Variants in MSR1 observed in about 807,000 individuals in gnomAD.
MSR1 encodes the protein macrophage scavenger receptor types I and II.
In MSR1, 53 loss-of-function variants were observed where a neutral mutation model predicts 47.2. That is an observed-to-expected ratio of 1.12 (90% confidence interval 0.90 to 1.41). MSR1 has a LOEUF of 1.41. MSR1 is among the 40% of genes most tolerant of loss of function. The pLI, the probability that MSR1 is intolerant of heterozygous loss-of-function variation, is 0.00. For synonymous variants in MSR1, 239 were observed against 185.6 expected (o/e 1.29, Z -2.34); for missense variants, 786 against 546.9 (o/e 1.44, Z -4.36).
intron 1 of MSR1, among the ~76,000 whole-genome samples, chr8:16,185,511 G>C (rs1801968813): frequency 6.6e-6 from 1 of 152,070 alleles, no homozygotes; most frequent in South Asian, 2.1e-4. Context: ...TGGAGAATAT[G>C]TGATATAGTT....
intron 6 of MSR1, among the ~76,000 whole-genome samples, 155 bp downstream of exon 6, chr8:16,154,909 C>G (rs1489385572): frequency 2.6e-5 from 4 of 151,658 alleles, no homozygotes; most frequent in Non-Finnish European, 5.9e-5. Context: ...CCAAAACACA[C>G]ACACATATAC....
chr8:16,139,446 T>G, intron 8 of MSR1: 2 of 974,448 alleles, frequency 2.1e-6, no homozygotes, highest in Non-Finnish European at 2.4e-6. Flanking sequence ...ATAAAAATGC[T>G]GAGATACACA....
intron 8 of MSR1, among the ~76,000 whole-genome samples, chr8:16,128,542 A>G (rs1306228126): frequency 6.6e-6 from 1 of 152,146 alleles, no homozygotes; most frequent in East Asian, 1.9e-4. Flanking sequence ...AAGAACTCTG[A>G]GGAAATAAAT....
intron 9 of MSR1, among the ~76,000 whole-genome samples, chr8:16,119,410 G>A (rs1386759004): frequency 6.6e-6 from 1 of 152,004 alleles, no homozygotes; most frequent in Admixed American, 6.6e-5. Context: ...ATTTTTAGTA[G>A]AGATGGGGTT....
chr8:16,130,011 G>A (rs572286555), intron 8 of MSR1, among the ~76,000 whole-genome samples: 4 of 152,218 alleles, frequency 2.6e-5, no homozygotes, highest in African/African-American at 7.2e-5. Context: ...TGCTTCATCT[G>A]CATTCCTGCA....
intron 8 of MSR1, chr8:16,121,127 A>G (rs1244416717): frequency 2.3e-6 from 1 of 433,928 alleles, no homozygotes; most frequent in Non-Finnish European, 4.6e-6. Context: ...AACTATAGTG[A>G]CAACCTTCAT....
chr8:16,120,345 C>G, intron 9 of MSR1, 73 bp downstream of exon 9: 1 of 1,534,434 alleles, frequency 6.5e-7, no homozygotes, highest in East Asian at 2.3e-5. Flanking sequence ...CCACTGCACT[C>G]CAGTCTGGGC....
At chr8:16,143,351 A>T (rs1800611175) in intron 8 of MSR1, among the ~76,000 whole-genome samples, 1 of 152,158 alleles carries the variant, frequency 6.6e-6, no homozygotes, top group African/African-American at 2.4e-5. Flanking sequence ...AGACAAATGG[A>T]TAATGAGATT....
rs749312454 is a variant in MSR1, at chr8:16,150,239, C to T, written c.971G>A (p.Gly324Glu). ...PGSRGLPGYAGRPGNSGPKGQ... is the reference protein window; with the variant it reads ...PGSRGLPGYAERPGNSGPKGQ... Reference sequence around the variant, plus strand: ...ACACATTATTGTAATACCTGGCCTTCCGGCATATCCTGGGAGTCCTCGACT... The same window carrying T: ...ACACATTATTGTAATACCTGGCCTTTCGGCATATCCTGGGAGTCCTCGACT... Residue 324 changes from glycine (G) to glutamate (E), a missense_variant, in exon 7 of 10, where the codon GGA becomes GAA. Coordinates refer to ENST00000262101, the MANE Select transcript of MSR1 (RefSeq NM_138715.3). The T allele has an allele frequency of 2.0e-6, 3 of 1,535,646 alleles. No homozygotes were observed. The Admixed American group carries it at 5.5e-5, about 28-fold the overall frequency.
chr8:16,150,859 C>T (rs999803169), intron 6 of MSR1, among the ~76,000 whole-genome samples: 73 of 150,346 alleles, frequency 4.9e-4, no homozygotes, highest in African/African-American at 1.7e-3. Context: ...TAAACACACA[C>T]ACACACACAC....
chr8:16,146,372 GA>G (rs981352378), intron 7 of MSR1, among the ~76,000 whole-genome samples: 32 of 147,090 alleles, frequency 2.2e-4, no homozygotes, highest in African/African-American at 7.5e-4. Context: ...TTCCTTCAAA[GA>G]AAAAAAAAAC....
chr8:16,187,364 C>CAAAAA (rs751848634), intron 1 of MSR1, among the ~76,000 whole-genome samples: 717 of 35,262 alleles, frequency 0.02, 9 homozygotes, highest in Admixed American at 0.043. Flanking sequence ...ACTCTGTCTC[C>CAAAAA]AAAAAAAAAA....
chr8:16,169,366 A>G (rs1164365546), intron 3 of MSR1, among the ~76,000 whole-genome samples: 2 of 152,176 alleles, frequency 1.3e-5, no homozygotes, highest in Non-Finnish European at 2.9e-5. Flanking sequence ...TTGTTGGTTT[A>G]TCTTCTTCAT....
At chr8:16,137,615 G>C (rs1229510950) in intron 8 of MSR1, among the ~76,000 whole-genome samples, 1 of 152,092 alleles carries the variant, frequency 6.6e-6, no homozygotes, top group Non-Finnish European at 1.5e-5. Flanking sequence ...CTTATTAGCA[G>C]TAAGCCACAG....
intron 1 of MSR1, among the ~76,000 whole-genome samples, chr8:16,178,597 T>C (rs577617122): frequency 1.3e-5 from 2 of 152,328 alleles, no homozygotes; most frequent in Admixed American, 1.3e-4. Flanking sequence ...CAGCATGATT[T>C]ATAATCCTTT....
intron 4 of MSR1, among the ~76,000 whole-genome samples, chr8:16,166,979 T>G (rs1278282293): frequency 6.6e-6 from 1 of 151,716 alleles, no homozygotes; most frequent in African/African-American, 2.4e-5. Context: ...ATGCACGCAC[T>G]GGCACTGACC....
Position 16,177,932 on chromosome 8 carries a change from T to C in MSR1, c.57A>G (p.Glu19=), listed in dbSNP as rs375933604. Residue 19 remains glutamate, a synonymous_variant, in exon 2 of 10, where the codon GAA becomes GAG. Coordinates refer to ENST00000262101, the MANE Select transcript of MSR1 (RefSeq NM_138715.3). ...TTGAGCGAGCATCAAATTTCACAGA[T>C]TCGGAGCAGCTATCAGTGTCCTCCT... The part of the protein sequence containing the change: ...NQQEDTDSCS[E]SVKFDARSMT... The C allele has an allele frequency of 1.7e-4, 268 of 1,613,918 alleles. 2 individuals carry two copies. The South Asian group carries it at 2.8e-3, about 17-fold the overall frequency.
chr8:16,147,209 C>G (rs965015682), intron 7 of MSR1, among the ~76,000 whole-genome samples: 2 of 152,136 alleles, frequency 1.3e-5, no homozygotes, highest in African/African-American at 4.8e-5. Flanking sequence ...TATAAATGGA[C>G]TACTCTATAG....
chr8:16,130,280 T>C (rs1047475597), intron 8 of MSR1, among the ~76,000 whole-genome samples: 7 of 152,180 alleles, frequency 4.6e-5, no homozygotes, highest in African/African-American at 1.2e-4. Flanking sequence ...AAATTTGTGG[T>C]AATTCTGTGT....
Sources: gnomAD v4.1 joint callset for allele counts (sites outside exome capture counted in the v4.1 genomes callset) on GRCh38, gnomAD v4.1.1 for gene constraint, MANE v1.5 for transcripts, NCBI Gene and HGNC (gene_info 2026-07-23, HGNC 2026-07-21) for gene names.